Variants in CACNA1C observed in about 807,000 individuals in gnomAD.
CACNA1C encodes the protein voltage-dependent L-type calcium channel subunit alpha-1C.
Under a neutral mutation model 229.0 loss-of-function variants are expected in CACNA1C, and 30 were observed. That is an observed-to-expected ratio of 0.13 (90% CI 0.10 to 0.18). CACNA1C has a LOEUF of 0.18. Among genes scored for constraint, CACNA1C ranks in the 10% least tolerant of loss-of-function variants. CACNA1C has a pLI of 1.00. For missense variants in CACNA1C, 1,658 were observed against 2,845.0 expected (o/e 0.58, Z 9.49); for synonymous variants, 1,114 against 1,132.5 (o/e 0.98, Z 0.33).
At position 2,679,783 on chromosome 12, in the gene CACNA1C, C is replaced by T; in HGVS notation, c.5431C>T (p.Leu1811Phe). The T allele has an allele frequency of 6.4e-7, 1 of 1,566,634 alleles. No homozygotes were observed. Among genetic ancestry groups the T allele is most frequent in the South Asian group, 1.2e-5 (1 of 85,612 alleles). ...CCGGGTGCAGGAGGTGGCGTGGAAGCTCAGCTCCAACAGGTAAGTGGGAGG... is the reference window on the plus strand; with the variant it reads ...CCGGGTGCAGGAGGTGGCGTGGAAGTTCAGCTCCAACAGGTAAGTGGGAGG... ...AIRVQEVAWK[L>F]SSNRCHSRES... is the part of the protein sequence containing the mutation. Residue 1811 changes from leucine (L) to phenylalanine (F), a missense_variant, in exon 42 of 47, where the codon CTC (leucine) becomes TTC (phenylalanine). Physicochemically the swap from Leu to Phe is conservative, Grantham distance 22 (BLOSUM62 0). Around this residue, in one of 20 missense-constraint regions of CACNA1C, gnomAD observed 590 missense variants for 700.8 expected, o/e 0.84. Transcript: ENST00000399655. This position sits in a 1 kb window ranked among gnomAD's most constrained non-coding sequence, Gnocchi z 5.5.
chr12:2,677,590 CACACAAACCTTCCGGAGGGTCG>C lies in CACNA1C; in HGVS notation c.4957-140_4957-119del. 1 of 936,326 alleles carries C rather than the reference CACACAAACCTTCCGGAGGGTCG, an allele frequency of 1.1e-6. No individual in the cohort carries two copies. 58.0% of individuals were successfully genotyped at this position (936,326 alleles called of 1,614,324 possible). A position where few individuals can be genotyped will look rare whatever the true frequency, so the allele number is the denominator to read the frequency against. ...GGCAGCCCAGCCCCCAGTTCACACA[CACACAAACCTTCCGGAGGGTCG>C]ACTGGCTGGGTGGAGGATGCCAGGG... On this transcript the variant is annotated intron_variant, in intron 40 of 46. Coordinates refer to ENST00000399655, the MANE Select transcript of CACNA1C (RefSeq NM_000719.7). The surrounding 1 kb of genome is among the most constrained non-coding windows in gnomAD (Gnocchi z 7.4).
intron 3 of CACNA1C, among the ~76,000 whole-genome samples, chr12:2,333,001 G>C (rs930888179): frequency 1.3e-5 from 2 of 152,208 alleles, no homozygotes; most frequent in Non-Finnish European, 2.9e-5. Flanking sequence ...TGTGACGACA[G>C]TGTCTGAACA....
At chr12:2,421,154 C>CA (rs377478302) in intron 3 of CACNA1C, among the ~76,000 whole-genome samples, 144 of 151,616 alleles carry the variant, frequency 9.5e-4, no homozygotes, top group African/African-American at 3.4e-3. Context: ...TAAAGCTTAG[C>CA]AAAAAAAATT....
chr12:2,279,878 T>C (rs1165259754), intron 3 of CACNA1C, among the ~76,000 whole-genome samples: 1 of 152,242 alleles, frequency 6.6e-6, no homozygotes, highest in Non-Finnish European at 1.5e-5. Context: ...CATACCATTT[T>C]ATATAAGGGA....
Position 2,574,384 on chromosome 12 carries a change from G to A in CACNA1C, c.1895+6590G>A, listed in dbSNP as rs116085032. Among the ~76,000 whole-genome samples the A allele has an allele frequency of 2.8e-3, 430 of 152,300 alleles. 2 individuals are homozygous for A. Among genetic ancestry groups the A allele is most frequent in the African/African-American group, 0.01 (421 of 41,578 alleles). On this transcript the variant is annotated intron_variant, in intron 13 of 46. Coordinates refer to ENST00000399655, the MANE Select transcript of CACNA1C (RefSeq NM_000719.7). ...GGCTCCAGACAGATTCAATCCGGACGTGATACCAGTTTACTGATTGCATCT... is the reference window on the plus strand; with the variant it reads ...GGCTCCAGACAGATTCAATCCGGACATGATACCAGTTTACTGATTGCATCT...
In CACNA1C at chr12:2,691,322, G is replaced by A; in HGVS notation, c.*123G>A. ...CGGAACAGCGTCTTCATTCATTTCT[G>A]TTGGGACCAGACGCGGAGCCTGGGT... On this transcript the variant is annotated 3_prime_UTR_variant, in exon 47 of 47. Transcript: ENST00000399655. 1 of 1,064,696 alleles carries A rather than the reference G, an allele frequency of 9.4e-7. No homozygotes were observed. Among genetic ancestry groups the A allele is most frequent in the Non-Finnish European group, 1.3e-6 (1 of 797,774 alleles). The allele number at this position is 1,064,696 out of a possible 1,614,324, so 66.0% of individuals were successfully genotyped here. A position where few individuals can be genotyped will look rare whatever the true frequency, so the allele number is the denominator to read the frequency against.
intron 3 of CACNA1C, among the ~76,000 whole-genome samples, chr12:2,315,903 A>G (rs2095664862): frequency 6.6e-6 from 1 of 152,234 alleles, no homozygotes; most frequent in African/African-American, 2.4e-5. Context: ...AAGTCTCTTA[A>G]TGTCACTGAA....
intron 3 of CACNA1C, among the ~76,000 whole-genome samples, chr12:2,272,621 G>A (rs2085593098): frequency 1.3e-5 from 2 of 152,294 alleles, no homozygotes; most frequent in Middle Eastern, 3.4e-3. Context: ...GGAGTTTGAC[G>A]GTTGGCTGTG....
chr12:2,083,672 G>GGCATT (rs1260065859), intron 1 of CACNA1C, among the ~76,000 whole-genome samples: 6 of 152,208 alleles, frequency 3.9e-5, no homozygotes, highest in Admixed American at 3.9e-4. Flanking sequence ...ACAAATGTAA[G>GGCATT]GCATTGCTAC....
chr12:2,386,420 C>G (rs2098391932), intron 3 of CACNA1C, among the ~76,000 whole-genome samples: 1 of 152,214 alleles, frequency 6.6e-6, no homozygotes, highest in African/African-American at 2.4e-5. Context: ...CCCCAACTTT[C>G]TTCAGTCCTG....
chr12:2,302,119 A>G (rs763025723), intron 3 of CACNA1C, among the ~76,000 whole-genome samples: 2 of 152,160 alleles, frequency 1.3e-5, no homozygotes, highest in Non-Finnish European at 2.9e-5. Context: ...GATTTTCGTG[A>G]CTGACTAGTG....
At chr12:2,170,545 TAGTC>T (rs1378985244) in intron 3 of CACNA1C, among the ~76,000 whole-genome samples, 5 of 152,226 alleles carry the variant, frequency 3.3e-5, no homozygotes, top group Non-Finnish European at 7.3e-5. Context: ...TCAAAATAAT[TAGTC>T]AGTTTTCACT....
At chr12:2,624,667 A>G (rs537541722) in intron 29 of CACNA1C, among the ~76,000 whole-genome samples, 15 of 152,094 alleles carry the variant, frequency 9.9e-5, no homozygotes, top group East Asian at 9.7e-4. Flanking sequence ...CCCACTGTAT[A>G]CTCCATGTCC....
At position 2,004,470 on chromosome 12, in the gene CACNA1C, AGCCACTCTCAATAGATC is replaced by A. The variant is rs753195470; in HGVS notation, c.139+33272_139+33288del. 9.5e-6 allele frequency: 15 copies of A among 1,579,848 alleles called. No individual in the cohort carries two copies. The East Asian group carries it at 3.4e-4, about 35-fold the overall frequency. On this transcript the variant is annotated intron_variant, in intron 1 of 46. Coordinates refer to the CACNA1C transcript ENST00000682462. ...CAGACATAGGCACGGGGCTCTTGGAAGCCACTCTCAATAGATCGCAGAACGAGCGAGCTGCCTCGCAA... is the reference window on the plus strand; with the variant it reads ...CAGACATAGGCACGGGGCTCTTGGAAGCAGAACGAGCGAGCTGCCTCGCAA...
At position 2,605,649 on chromosome 12, in the gene CACNA1C, C is replaced by T. The variant is rs909932751; in HGVS notation, c.3049-30C>T. 6 of 1,541,082 alleles carry T rather than the reference C, an allele frequency of 3.9e-6. No homozygotes were observed. Among genetic ancestry groups the T allele is most frequent in the African/African-American group, 1.4e-5 (1 of 73,500 alleles). ...AGGCTCCTGGCATCTCCTGAAGCCA[C>T]GTCCCTCTCCCCGTCCCTTCCCACT... On this transcript the variant is annotated intron_variant, in intron 23 of 46. Transcript: ENST00000399655. The surrounding 1 kb of genome is among the most constrained non-coding windows in gnomAD (Gnocchi z 6.2).
At chr12:2,224,266 A>G (rs1261255350) in intron 3 of CACNA1C, among the ~76,000 whole-genome samples, 1 of 152,254 alleles carries the variant, frequency 6.6e-6, no homozygotes, top group East Asian at 1.9e-4. Context: ...CAAGAGGCCT[A>G]CAAGAGAAAG....
intron 1 of CACNA1C, among the ~76,000 whole-genome samples, chr12:2,084,042 T>A (rs1250670762): frequency 1.3e-5 from 2 of 152,250 alleles, no homozygotes; most frequent in African/African-American, 4.8e-5. Context: ...ATGCTGATAG[T>A]ATATCTGTCC....
At chr12:1,996,806 A>G (rs569738655) in intron 1 of CACNA1C, among the ~76,000 whole-genome samples, 2 of 152,114 alleles carry the variant, frequency 1.3e-5, no homozygotes, top group Non-Finnish European at 2.9e-5. Flanking sequence ...ATTGCTCAGA[A>G]TCTATCCACT....
intron 3 of CACNA1C, among the ~76,000 whole-genome samples, chr12:2,202,919 CTT>C (rs1243053604): frequency 6.6e-6 from 1 of 152,174 alleles, no homozygotes; most frequent in Admixed American, 6.5e-5. Context: ...GAGGACCTCT[CTT>C]CTCTATGAAG....
Sources: allele counts gnomAD v4.1 joint callset (sites outside exome capture counted in the v4.1 genomes callset), GRCh38; gene constraint gnomAD v4.1.1; regional missense constraint gnomAD v4.1.1; non-coding constraint Gnocchi (gnomAD v3.1); transcripts MANE v1.5; gene names NCBI Gene and HGNC (gene_info 2026-07-23, HGNC 2026-07-21).